The following SNX13 variants were observed in gnomAD, a reference collection of about 807,000 sequenced individuals.
SNX13 encodes the protein sorting nexin 13, also known as sorting nexin-13.
Under a neutral mutation model 133.6 loss-of-function variants are expected in SNX13, and 45 were observed. That is an observed-to-expected ratio of 0.34 (90% CI 0.27 to 0.43). The LOEUF is 0.43. SNX13 is among the 20% of genes least tolerant of loss of function. The probability of loss-of-function intolerance (pLI) is 1.00; values close to 1 mark genes in which losing one functional copy is unlikely to be tolerated. For missense variants in SNX13, 1,032 were observed against 1,145.1 expected (o/e 0.90, Z 1.43); for synonymous variants, 414 against 373.9 (o/e 1.11, Z -1.24).
chr7:17,932,803 C>T (rs1176797950), intron 1 of SNX13, among the ~76,000 whole-genome samples: 1 of 152,228 alleles, frequency 6.6e-6, no homozygotes, highest in Non-Finnish European at 1.5e-5. Context: ...TAACCCAAGT[C>T]ACAGTTATCT....
chr7:17,812,006 T>C (rs543579039), intron 20 of SNX13, among the ~76,000 whole-genome samples: 31 of 152,184 alleles, frequency 2.0e-4, no homozygotes, highest in African/African-American at 6.7e-4. Context: ...TCAACATGGA[T>C]TAAAGACTTA....
chr7:17,902,537 T>C (rs916308581), intron 1 of SNX13, among the ~76,000 whole-genome samples: 4 of 152,174 alleles, frequency 2.6e-5, no homozygotes, highest in African/African-American at 7.2e-5. Flanking sequence ...GAAAAACATT[T>C]GATCTAATGC....
At position 17,791,726 on chromosome 7, in the gene SNX13, TA is replaced by T. The variant is rs771959760; in HGVS notation, c.*2318del. On this transcript the variant is annotated 3_prime_UTR_variant, in exon 26 of 26. Coordinates refer to ENST00000428135, the MANE Select transcript of SNX13 (RefSeq NM_015132.5). ...ATAAATGCATTAAATGTAACTTTAT[TA>T]AACATAGTACACTGTACTTGACTTA... 2 of 152,108 alleles carry T rather than the reference TA, an allele frequency of 1.3e-5. No homozygotes were observed. Among genetic ancestry groups the T allele is most frequent in the African/African-American group, 2.4e-5 (1 of 41,452 alleles). The allele number at this position is 152,108 out of a possible 1,614,324, so 9.4% of individuals were successfully genotyped here. A position where few individuals can be genotyped will look rare whatever the true frequency, so the allele number is the denominator to read the frequency against.
intron 14 of SNX13, 114 bp downstream of exon 14, chr7:17,834,647 G>T: frequency 1.7e-6 from 1 of 576,638 alleles, no homozygotes; most frequent in Non-Finnish European, 2.9e-6. Context: ...AATTGCCATA[G>T]TTTATCTTTT....
chr7:17,830,083 A>G (rs1275194852), intron 15 of SNX13, 36 bp from the exon 16 acceptor site: 15 of 1,483,480 alleles, frequency 1.0e-5, no homozygotes, highest in South Asian at 5.4e-5. Flanking sequence ...ATACAGCAAA[A>G]AACTTTAAAA....
At chr7:17,823,507 A>G (rs955209521) in intron 17 of SNX13, among the ~76,000 whole-genome samples, 23 of 152,190 alleles carry the variant, frequency 1.5e-4, no homozygotes, top group Admixed American at 1.3e-4. Context: ...AGCTCTTCCC[A>G]AACTTTCTTA....
chr7:17,883,719 A>C (rs1376967661), intron 5 of SNX13, among the ~76,000 whole-genome samples: 2 of 148,262 alleles, frequency 1.3e-5, no homozygotes, highest in African/African-American at 5.0e-5. Context: ...CTTGCCCCTC[A>C]CCCCCCAAGA....
chr7:17,869,805 A>C (rs1165716932), intron 8 of SNX13, among the ~76,000 whole-genome samples: 1 of 152,042 alleles, frequency 6.6e-6, no homozygotes, highest in African/African-American at 2.4e-5. Flanking sequence ...TCCTTCCTTC[A>C]AATTATGTCT....
intron 20 of SNX13, among the ~76,000 whole-genome samples, chr7:17,813,785 G>T (rs1053805037): frequency 1.3e-5 from 2 of 151,644 alleles, no homozygotes; most frequent in Admixed American, 6.6e-5. Context: ...ACAGGGTCTC[G>T]CTGTTACCAG....
In SNX13 at chr7:17,801,615, G is replaced by A. The variant is rs771804870; in HGVS notation, c.2271C>T (p.Arg757=). The A allele has an allele frequency of 2.1e-5, 34 of 1,609,162 alleles. No individual in the cohort carries two copies. In the South Asian group the frequency reaches 2.7e-4, roughly 13 times the overall value. The change falls in exon 22 of 26, where the codon CGC becomes CGT. Residue 757 remains arginine, a synonymous_variant. Coordinates refer to ENST00000428135, the MANE Select transcript of SNX13 (RefSeq NM_015132.5). ...IPKTDSDPEH[R]RVSAQLDDNV... ...TATCGTCAAGTTGAGCCGAAACTCG[G>A]CGATGTTCAGGGTCTGAATCAGTCT...
chr7:17,930,082 A>G (rs1440505806), intron 1 of SNX13, among the ~76,000 whole-genome samples: 1 of 33,134 alleles, frequency 3.0e-5, no homozygotes, highest in East Asian at 4.7e-4. Flanking sequence ...AGAATAAGAA[A>G]AAGAATAAAG....
chr7:17,850,984 A>G lies in SNX13; in HGVS notation c.838-20T>C. 1 of 1,589,952 alleles carries G rather than the reference A, an allele frequency of 6.3e-7. No individual in the cohort carries two copies. Among genetic ancestry groups the G allele is most frequent in the South Asian group, 1.1e-5 (1 of 87,782 alleles). ...ACGGATCTGAAAACAAGTTTAAGAA[A>G]AACAGGTGGGAGAGGAACTCACTTA... On this transcript the variant is annotated intron_variant, in intron 9 of 25. Coordinates refer to ENST00000428135, the MANE Select transcript of SNX13 (RefSeq NM_015132.5).
At position 17,818,892 on chromosome 7, in the gene SNX13, T is replaced by C. The variant is rs554059427; in HGVS notation, c.1846-2603A>G. ...GCATATTTTTACTCAGTTACCTTAATGAATACTTAATATGATCATTTAAAT... is the reference window on the plus strand; with the variant it reads ...GCATATTTTTACTCAGTTACCTTAACGAATACTTAATATGATCATTTAAAT... On this transcript the variant is annotated intron_variant, in intron 18 of 25. Transcript: ENST00000428135. Among the ~76,000 whole-genome samples the C allele has an allele frequency of 1.6e-4, 24 of 152,320 alleles. 1 individual carries two copies. The South Asian group carries it at 2.5e-3, about 16-fold the overall frequency.
intron 1 of SNX13, among the ~76,000 whole-genome samples, chr7:17,936,535 C>CT (rs1802049651): frequency 6.6e-6 from 1 of 152,172 alleles, no homozygotes; most frequent in Admixed American, 6.5e-5. Context: ...ACGTTGATAA[C>CT]TGGTTTCCAT....
At chr7:17,923,090 T>C (rs569902693) in intron 1 of SNX13, among the ~76,000 whole-genome samples, 1 of 152,320 alleles carries the variant, frequency 6.6e-6, no homozygotes, top group South Asian at 2.1e-4. Flanking sequence ...CAGTTAACAC[T>C]CATTTAAAAT....
At chr7:17,888,053 G>A (rs941376173) in intron 5 of SNX13, 2 of 152,058 alleles carry the variant, frequency 1.3e-5, no homozygotes, top group Admixed American at 6.6e-5. Context: ...TATTGGCACC[G>A]GAAGTCATGG....
At chr7:17,900,632 C>T (rs372063207) in intron 1 of SNX13, among the ~76,000 whole-genome samples, 15 of 152,176 alleles carry the variant, frequency 9.9e-5, no homozygotes, top group Middle Eastern at 3.2e-3. Flanking sequence ...TGGCTACCAA[C>T]GTTCATTAAG....
At chr7:17,819,303 G>A (rs927890644) in intron 18 of SNX13, among the ~76,000 whole-genome samples, 1 of 151,952 alleles carries the variant, frequency 6.6e-6, no homozygotes, top group Non-Finnish European at 1.5e-5. Context: ...CTGGAGTGCT[G>A]AGATCTCAGC....
At chr7:17,802,785 C>T (rs1784774721) in intron 21 of SNX13, among the ~76,000 whole-genome samples, 1 of 152,026 alleles carries the variant, frequency 6.6e-6, no homozygotes, top group African/African-American at 2.4e-5. Context: ...GTTTTATAGC[C>T]TTGATTACAA....
Sources: gnomAD v4.1 joint callset for allele counts (sites outside exome capture counted in the v4.1 genomes callset) on GRCh38, gnomAD v4.1.1 for gene constraint, MANE v1.5 for transcripts, NCBI Gene and HGNC (gene_info 2026-07-23, HGNC 2026-07-21) for gene names.